The following GRIK2 variants were observed in gnomAD, a reference collection of about 807,000 sequenced individuals.
GRIK2 encodes the protein glutamate receptor ionotropic, kainate 2.
In GRIK2, 32 loss-of-function variants were observed where a neutral mutation model predicts 100.3. The observed-to-expected ratio is 0.32, with a 90% confidence interval of 0.24 to 0.43. GRIK2 has a LOEUF of 0.43. Ranked by LOEUF, GRIK2 falls within the 20% of genes least tolerant of loss-of-function variation. The pLI is 1.00. For synonymous variants in GRIK2, 417 were observed against 389.4 expected (o/e 1.07, Z -0.83); for missense variants, 843 against 1,114.9 (o/e 0.76, Z 3.47).
At chr6:101,821,256 T>C (rs1781931732) in intron 10 of GRIK2, among the ~76,000 whole-genome samples, 1 of 152,176 alleles carries the variant, frequency 6.6e-6, no homozygotes, top group African/African-American at 2.4e-5. Flanking sequence ...TGTTCAGATA[T>C]TGCTTCTCAA....
intron 2 of GRIK2, among the ~76,000 whole-genome samples, chr6:101,484,181 C>T (rs1252091270): frequency 6.6e-6 from 1 of 152,098 alleles, no homozygotes; most frequent in African/African-American, 2.4e-5. Flanking sequence ...AGATAATAGT[C>T]CCAGTTGCTT....
chr6:101,823,376 A>C (rs1005278562), intron 10 of GRIK2, among the ~76,000 whole-genome samples: 16 of 152,084 alleles, frequency 1.1e-4, no homozygotes, highest in Non-Finnish European at 7.4e-5. Context: ...TTTTTGAATT[A>C]AGATTTATGA....
At chr6:102,014,278 T>A (rs889441452) in intron 14 of GRIK2, among the ~76,000 whole-genome samples, 1 of 116,782 alleles carries the variant, frequency 8.6e-6, no homozygotes, top group African/African-American at 2.8e-5. Flanking sequence ...TCCTGTGGGG[T>A]CAGTGGTAAT....
rs549837744 is a variant in GRIK2, at chr6:101,902,513, A to G, written c.1748+12650A>G. On this transcript the variant is annotated intron_variant, in intron 12 of 16. Coordinates refer to ENST00000369134, the MANE Select transcript of GRIK2 (RefSeq NM_021956.5). Reference sequence around the variant, plus strand: ...CTCTTGCTCATTTAAATAAGTTTATACCTAAACAATTAGCATAACATTTTT... The same window carrying G: ...CTCTTGCTCATTTAAATAAGTTTATGCCTAAACAATTAGCATAACATTTTT... Among the ~76,000 whole-genome samples the G allele has an allele frequency of 1.1e-4, 17 of 152,070 alleles. No individual in the cohort carries two copies. The South Asian group carries it at 3.5e-3, about 32-fold the overall frequency.
intron 2 of GRIK2, among the ~76,000 whole-genome samples, chr6:101,456,009 G>T (rs957115201): frequency 2.0e-5 from 3 of 151,794 alleles, no homozygotes; most frequent in Non-Finnish European, 2.9e-5. Flanking sequence ...AACATGGCAT[G>T]TTTGATTCAT....
At chr6:101,663,956 A>G (rs1769824435) in intron 4 of GRIK2, among the ~76,000 whole-genome samples, 1 of 152,216 alleles carries the variant, frequency 6.6e-6, no homozygotes, top group African/African-American at 2.4e-5. Context: ...ACTTTTGAGG[A>G]AAATATCTTT....
At chr6:101,818,603 T>C (rs1781773898) in intron 10 of GRIK2, 120 bp downstream of exon 10, 1 of 631,632 alleles carries the variant, frequency 1.6e-6, no homozygotes, top group Admixed American at 2.7e-5. Flanking sequence ...ATTTAGCAAT[T>C]ACTGTACAAC....
chr6:101,641,950 T>C (rs571250148), intron 4 of GRIK2, among the ~76,000 whole-genome samples: 1 of 152,056 alleles, frequency 6.6e-6, no homozygotes, highest in African/African-American at 2.4e-5. Flanking sequence ...AAGTGATCTA[T>C]TGTGGTATTG....
intron 2 of GRIK2, among the ~76,000 whole-genome samples, chr6:101,540,841 C>G (rs1370346526): frequency 6.6e-6 from 1 of 152,034 alleles, no homozygotes. Context: ...AAGAATTAGG[C>G]TCAGAACATC....
intron 7 of GRIK2, among the ~76,000 whole-genome samples, chr6:101,798,891 T>C (rs1780487329): frequency 2.0e-5 from 3 of 152,146 alleles, no homozygotes; most frequent in Non-Finnish European, 2.9e-5. Flanking sequence ...TCCAAAGTGG[T>C]TGGTCATTTG....
intron 14 of GRIK2, among the ~76,000 whole-genome samples, chr6:102,021,007 A>G (rs112111410): frequency 2.6e-4 from 39 of 151,852 alleles, no homozygotes; most frequent in African/African-American, 8.7e-4. Context: ...TTTTCATTCT[A>G]TAGAAAACTA....
intron 2 of GRIK2, among the ~76,000 whole-genome samples, chr6:101,425,859 A>T (rs1003980039): frequency 1.3e-5 from 2 of 152,152 alleles, no homozygotes; most frequent in African/African-American, 4.8e-5. Context: ...TCTTCTGAGC[A>T]TCAGTTTTCC....
chr6:101,962,120 C>T (rs924239517), intron 14 of GRIK2, among the ~76,000 whole-genome samples: 4 of 152,124 alleles, frequency 2.6e-5, no homozygotes, highest in Non-Finnish European at 5.9e-5. Flanking sequence ...AAAGTACCCC[C>T]ATCTACCTTA....
intron 14 of GRIK2, among the ~76,000 whole-genome samples, chr6:102,018,974 C>T (rs1341063131): frequency 2.0e-5 from 3 of 151,822 alleles, no homozygotes; most frequent in Non-Finnish European, 4.4e-5. Context: ...TTATTTTTTT[C>T]TGCGAAGGGG....
At chr6:101,742,089 ATTC>A (rs1167726890) in intron 7 of GRIK2, among the ~76,000 whole-genome samples, 1 of 152,248 alleles carries the variant, frequency 6.6e-6, no homozygotes, top group Non-Finnish European at 1.5e-5. Context: ...CTATCATACA[ATTC>A]TGCTTAAGAA....
chr6:101,946,900 G>A (rs554842493), intron 14 of GRIK2, among the ~76,000 whole-genome samples: 32 of 152,082 alleles, frequency 2.1e-4, no homozygotes, highest in Non-Finnish European at 4.1e-4. Context: ...ACCCACTGAA[G>A]TTAAATTTCT....
chr6:102,058,450 T>G (rs532071660), intron 16 of GRIK2, among the ~76,000 whole-genome samples: 2 of 136,320 alleles, frequency 1.5e-5, no homozygotes, highest in South Asian at 4.6e-4. Flanking sequence ...AAGAAACAAA[T>G]TATTTTTCTA....
intron 10 of GRIK2, among the ~76,000 whole-genome samples, 181 bp from the exon 11 acceptor site, chr6:101,859,106 C>T (rs538358733): frequency 6.6e-6 from 1 of 152,028 alleles, no homozygotes; most frequent in African/African-American, 2.4e-5. Flanking sequence ...ACTACTATTT[C>T]ATATAAAACC....
chr6:101,642,015 G>A (rs1781296163), intron 4 of GRIK2, among the ~76,000 whole-genome samples: 1 of 151,760 alleles, frequency 6.6e-6, no homozygotes, highest in Non-Finnish European at 1.5e-5. Flanking sequence ...TCGCTATTTA[G>A]GAGAATAGAA....
Sources: gnomAD v4.1 joint callset for allele counts (sites outside exome capture counted in the v4.1 genomes callset) on GRCh38, gnomAD v4.1.1 for gene constraint, MANE v1.5 for transcripts, NCBI Gene and HGNC (gene_info 2026-07-23, HGNC 2026-07-21) for gene names.